IFT122: variants seen among roughly 807,000 people sequenced by gnomAD.
IFT122 encodes the protein intraflagellar transport protein 122 homolog.
Under a neutral mutation model 161.6 loss-of-function variants are expected in IFT122, and 118 were observed. That is an observed-to-expected ratio of 0.73 (90% CI 0.63 to 0.85). The LOEUF (loss-of-function observed/expected upper bound fraction) is 0.85, where lower values mean the gene tolerates loss of function less well. Ranked by LOEUF, IFT122 falls within the 40% of genes least tolerant of loss-of-function variation. IFT122 has a pLI of 0.00. For synonymous variants in IFT122, 550 were observed against 602.4 expected (o/e 0.91, Z 1.27); for missense variants, 1,381 against 1,579.6 (o/e 0.87, Z 2.13).
chr3:129,463,318 C>T (rs2076376437), intron 5 of IFT122: 12 of 474,714 alleles, frequency 2.5e-5, no homozygotes, highest in South Asian at 1.7e-4. Flanking sequence ...CTCACCTTAC[C>T]TCCAGTTATC....
chr3:129,498,568 C>T (rs1029803181), intron 18 of IFT122, among the ~76,000 whole-genome samples: 44 of 152,292 alleles, frequency 2.9e-4, no homozygotes, highest in African/African-American at 6.5e-4. Context: ...GTATACAATG[C>T]GCTTTCCTCC....
At position 129,506,492 on chromosome 3, in the gene IFT122, A is replaced by C; in HGVS notation, c.2734A>C (p.Asn912His). The C allele has an allele frequency of 3.7e-6, 6 of 1,614,252 alleles. No homozygotes were observed. Among genetic ancestry groups the C allele is most frequent in the Non-Finnish European group, 5.1e-6 (6 of 1,180,044 alleles). ...CAATGCCGTGGCGGAGAGCAGGTTT[A>C]ATGATGCTGCCTATTATTACTGGAT... ...TNNAVAESRF[N>H]DAAYYYWMLS... The change falls in exon 22 of 30, where the codon AAT becomes CAT. Residue 912 changes from asparagine (N) to histidine (H), a missense_variant. Asn to His is a moderately conservative substitution (Grantham distance 68). Transcript: ENST00000348417.
Position 129,458,688 on chromosome 3 carries a change from T to G in IFT122, c.272+11T>G. 6.3e-7 allele frequency: 1 copy of G among 1,582,694 alleles called. No individual in the cohort carries two copies. The highest frequency in any genetic ancestry group is 8.7e-7 in the Non-Finnish European group (1 of 1,151,480). ...CATTCTGAAGTACACGTAAGTAACT[T>G]AGGTGTACAGTATTATGAGTTTGAT... On this transcript the variant is annotated intron_variant, in intron 4 of 29. Coordinates refer to ENST00000348417, the MANE Select transcript of IFT122 (RefSeq NM_052989.3).
At chr3:129,461,137 A>T in intron 4 of IFT122, 91 bp from the exon 5 acceptor site, 1 of 1,106,936 alleles carries the variant, frequency 9.0e-7, no homozygotes, top group Non-Finnish European at 1.4e-6. Flanking sequence ...CTAAAGTCAG[A>T]GGCTGTGGGC....
At position 129,519,145 on chromosome 3, in the gene IFT122, A is replaced by G. The variant is rs757396319; in HGVS notation, c.3430A>G (p.Ile1144Val). 6.2e-6 allele frequency: 10 copies of G among 1,613,984 alleles called. No homozygotes were observed. The South Asian group carries it at 9.9e-5, about 16-fold the overall frequency. Reference protein sequence around the residue: ...ILRLVETKDSIGDEDPFTAKL... With the variant: ...ILRLVETKDSVGDEDPFTAKL... ...GCGGCTAGTGGAGACCAAGGACTCC[A>G]TCGGAGATGAGGACCCGTTCACAGC... Residue 1144 changes from isoleucine (I) to valine (V), a missense_variant, in exon 28 of 30, where the codon ATC (isoleucine) becomes GTC (valine). Physicochemically the swap from Ile to Val is conservative, Grantham distance 29. This residue lies in a region of IFT122 where 177 missense variants were observed against 199.2 expected (regional missense o/e 0.89). Transcript: ENST00000348417.
At position 129,490,052 on chromosome 3, in the gene IFT122, G is replaced by A. The variant is rs187331376; in HGVS notation, c.1992+1655G>A. ...TATATATTTGTTTAAATATTGAGACGGGGACTCACTGTGTTGCCCAGGCAG... is the reference window on the plus strand; with the variant it reads ...TATATATTTGTTTAAATATTGAGACAGGGACTCACTGTGTTGCCCAGGCAG... On this transcript the variant is annotated intron_variant, in intron 16 of 29. Coordinates refer to ENST00000348417, the MANE Select transcript of IFT122 (RefSeq NM_052989.3). 3.6e-3 allele frequency among the ~76,000 whole-genome samples: 552 copies of A among 151,892 alleles called. 2 individuals carry two copies. Among genetic ancestry groups the A allele is most frequent in the Non-Finnish European group, 6.5e-3 (441 of 67,940 alleles).
rs1449448547 is a variant in IFT122 at position 129,481,650 on chromosome 3, A to G, written c.1609A>G (p.Thr537Ala). The G allele has an allele frequency of 1.2e-6, 2 of 1,613,946 alleles. No individual in the cohort carries two copies. The highest frequency in any genetic ancestry group is 1.7e-5 in the Admixed American group (1 of 60,026). Residue 537 changes from threonine (T) to alanine (A), a missense_variant, in exon 14 of 30, where the codon ACT (threonine) becomes GCT (alanine). This residue lies in a region of IFT122 where 544 missense variants were observed against 648.0 expected (regional missense o/e 0.84). Transcript: ENST00000348417. Reference protein sequence around the residue: ...KKLAVVDENDTCLVYDIDTKE... With the variant: ...KKLAVVDENDACLVYDIDTKE... ...GCTGGCCGTGGTAGATGAAAATGACACTTGCCTGGTGTATGACATCGACAC... is the reference window on the plus strand; with the variant it reads ...GCTGGCCGTGGTAGATGAAAATGACGCTTGCCTGGTGTATGACATCGACAC...
Position 129,519,580 on chromosome 3 carries a change from G to C in IFT122, c.3484G>C (p.Glu1162Gln). The C allele has an allele frequency of 1.2e-6, 2 of 1,613,556 alleles. No homozygotes were observed. Among genetic ancestry groups the C allele is most frequent in the Non-Finnish European group, 1.7e-6 (2 of 1,180,020 alleles). ...GCCCACCCTGCAGCAAGGTGGCTCAGAGTTCGTGCCAGTGGTGGTGAGCCG... is the reference window on the plus strand; with the variant it reads ...GCCCACCCTGCAGCAAGGTGGCTCACAGTTCGTGCCAGTGGTGGTGAGCCG... Reference protein sequence around the residue: ...AKLSFEQGGSEFVPVVVSRLV... With the variant: ...AKLSFEQGGSQFVPVVVSRLV... The change falls in exon 29 of 30, where the codon GAG becomes CAG. Residue 1162 changes from glutamate to glutamine, a missense_variant. Physicochemically the swap from Glu to Gln is conservative, Grantham distance 29 (BLOSUM62 2). Transcript: ENST00000348417.
chr3:129,445,634 C>T (rs952533710), intron 1 of IFT122, among the ~76,000 whole-genome samples: 3 of 152,142 alleles, frequency 2.0e-5, no homozygotes, highest in Non-Finnish European at 4.4e-5. Flanking sequence ...GGCAGCATAG[C>T]GCGTTAATTA....
intron 26 of IFT122, among the ~76,000 whole-genome samples, chr3:129,516,968 A>G (rs2083913426): frequency 7.3e-6 from 1 of 137,446 alleles, no homozygotes; most frequent in South Asian, 2.4e-4. Context: ...GCCCCTACAC[A>G]CACACACACA....
At chr3:129,520,058 T>C (rs2084562461) in intron 29 of IFT122, 118 bp from the exon 30 acceptor site, 1 of 812,232 alleles carries the variant, frequency 1.2e-6, no homozygotes, top group Admixed American at 2.0e-5. Flanking sequence ...TGCAGGTCTG[T>C]GTCCAGCCCT....
rs534217887 is a variant in IFT122 at position 129,494,598 on chromosome 3, T to C, written c.2047-848T>C. On this transcript the variant is annotated intron_variant, in intron 17 of 29. Coordinates refer to ENST00000348417, the MANE Select transcript of IFT122 (RefSeq NM_052989.3). ...AAACTGCTAGGGCTCAGGGTTTGGG[T>C]GCTACTGAGTGTTTACAAATACTCG... 7.9e-5 allele frequency among the ~76,000 whole-genome samples: 12 copies of C among 152,272 alleles called. No homozygotes were observed. The East Asian group carries it at 2.3e-3, about 29-fold the overall frequency.
In IFT122 at chr3:129,513,999, G is replaced by C. The variant is rs181654657; in HGVS notation, c.2988-390G>C. On this transcript the variant is annotated intron_variant, in intron 24 of 29. Coordinates refer to ENST00000348417, the MANE Select transcript of IFT122 (RefSeq NM_052989.3). ...TGAGGGTGGCTCCCCAGGGAGTCTGGACCAGGCCCCACCTGGCAGGGTGAG... is the reference window on the plus strand; with the variant it reads ...TGAGGGTGGCTCCCCAGGGAGTCTGCACCAGGCCCCACCTGGCAGGGTGAG... 352 of 364,612 alleles carry C rather than the reference G, an allele frequency of 9.7e-4. 1 individual carries two copies. The highest frequency in any genetic ancestry group is 6.2e-3 in the African/African-American group (294 of 47,174). The allele number at this position is 364,612 out of a possible 1,614,324, so 22.6% of individuals were successfully genotyped here.
intron 11 of IFT122, among the ~76,000 whole-genome samples, chr3:129,477,445 G>T (rs757125452): frequency 7.2e-5 from 11 of 152,350 alleles, no homozygotes; most frequent in African/African-American, 2.6e-4. Context: ...AAGGGATCCA[G>T]GTTGGGGGTT....
intron 3 of IFT122, among the ~76,000 whole-genome samples, chr3:129,455,578 A>AT (rs965462635): frequency 2.6e-4 from 39 of 151,624 alleles, no homozygotes; most frequent in African/African-American, 5.6e-4. Context: ...GAAATAGCTA[A>AT]TTTTTTTTTA....
chr3:129,516,252 A>ATG (rs2083551601), intron 26 of IFT122, among the ~76,000 whole-genome samples: 1 of 145,728 alleles, frequency 6.9e-6, no homozygotes, highest in Non-Finnish European at 1.5e-5. Context: ...GCGTGCACAC[A>ATG]CAGACTGCCC....
chr3:129,515,567 G>A lies in IFT122; in HGVS notation c.3233G>A (p.Arg1078His), dbSNP rs1269892119. ...NNLGNVCINC[R>H]QPFIFSASSY... ...CTGGGCAACGTCTGCATCAACTGCC[G>A]CCAGCCCTTCATCTTCTCCGCCTCT... Residue 1078 changes from arginine (R) to histidine (H), a missense_variant, in exon 26 of 30, where the codon CGC becomes CAC. Arg to His is a conservative substitution (Grantham distance 29). Around this residue, in one of 7 missense-constraint regions of IFT122, gnomAD observed 20 missense variants for 54.2 expected, o/e 0.37. Transcript: ENST00000348417. The A allele has an allele frequency of 1.0e-5, 16 of 1,539,130 alleles. No homozygotes were observed. The highest frequency in any genetic ancestry group is 1.4e-5 in the African/African-American group (1 of 71,764).
chr3:129,466,800 G>T (rs2076845452), intron 7 of IFT122, 90 bp from the exon 8 acceptor site: 2 of 1,281,740 alleles, frequency 1.6e-6, no homozygotes, highest in South Asian at 2.4e-5. Context: ...ACTGCACCTG[G>T]CCCCCAGGGG....
In IFT122 at chr3:129,449,856, T is replaced by C. The variant is rs1251411436; in HGVS notation, c.42-15T>C. ...TTTGGTTCCTAATTGTCTTTTTCCC[T>C]TGTCTTCTGTTCAGTATAAATGACA... On this transcript the variant is annotated splice_polypyrimidine_tract_variant and intron_variant, in intron 1 of 29. Coordinates refer to ENST00000348417, the MANE Select transcript of IFT122 (RefSeq NM_052989.3). The C allele has an allele frequency of 6.2e-7, 1 of 1,602,748 alleles. No homozygotes were observed. Among genetic ancestry groups the C allele is most frequent in the Non-Finnish European group, 8.5e-7 (1 of 1,169,696 alleles).
Sources: gnomAD v4.1 joint callset for allele counts (sites outside exome capture counted in the v4.1 genomes callset) on GRCh38, gnomAD v4.1.1 for gene constraint, gnomAD v4.1.1 regional missense constraint, MANE v1.5 for transcripts, NCBI Gene and HGNC (gene_info 2026-07-23, HGNC 2026-07-21) for gene names.